DYM: variants seen among roughly 807,000 people sequenced by gnomAD.
DYM encodes dyggve-Melchior-Clausen syndrome protein.
Under a neutral mutation model 93.1 loss-of-function variants are expected in DYM, and 78 were observed. The observed-to-expected ratio is 0.84, with a 90% CI of 0.70 to 1.01. The LOEUF (loss-of-function observed/expected upper bound fraction) is 1.01, where lower values mean the gene tolerates loss of function less well. Ranked by LOEUF, DYM falls within the 50% of genes least tolerant of loss-of-function variation. DYM has a pLI of 0.00. For synonymous variants in DYM, 321 were observed against 319.7 expected, an observed-to-expected ratio of 1.00 and a Z score of -0.04; for missense variants, 789 against 845.0, an observed-to-expected ratio of 0.93 and a Z score of 0.82.
At chr18:49,377,100 G>A (rs1185109093) in intron 5 of DYM, among the ~76,000 whole-genome samples, 2 of 152,152 alleles carry the variant, frequency 1.3e-5, no homozygotes, top group Non-Finnish European at 2.9e-5. Flanking sequence ...CTTGTACCAT[G>A]TCATTTCATT....
intron 15 of DYM, chr18:49,126,497 TG>T (rs1325378067): frequency 4.6e-5 from 7 of 152,198 alleles, no homozygotes; most frequent in Admixed American, 6.5e-5. Context: ...AAAGCATTAT[TG>T]GGTTATAATC....
chr18:49,125,448 T>C (rs1223509930), intron 15 of DYM, among the ~76,000 whole-genome samples: 1 of 152,184 alleles, frequency 6.6e-6, no homozygotes, highest in Non-Finnish European at 1.5e-5. Flanking sequence ...ATTGGCTGGA[T>C]GTCAGTGGTA....
intron 17 of DYM, among the ~76,000 whole-genome samples, chr18:49,080,326 G>T (rs1275841950): frequency 4.3e-5 from 6 of 138,464 alleles, no homozygotes; most frequent in African/African-American, 1.6e-4. Flanking sequence ...GTGGCTGGCC[G>T]GGCGGGGGGC....
chr18:49,211,934 A>T (rs1174293927), intron 13 of DYM, among the ~76,000 whole-genome samples: 2 of 152,234 alleles, frequency 1.3e-5, no homozygotes, highest in Non-Finnish European at 2.9e-5. Flanking sequence ...CTTAAAATAC[A>T]AGAAACATAT....
rs1481658432 is a variant in DYM at position 49,208,182 on chromosome 18, C to T, written c.1625+1369G>A. ...TGGGTGACAGAGCAAGACTCCATCTCAAAAAAAAAAAAAAAAAAAAAATTA... is the reference window on the plus strand; with the variant it reads ...TGGGTGACAGAGCAAGACTCCATCTTAAAAAAAAAAAAAAAAAAAAAATTA... On this transcript the variant is annotated intron_variant, in intron 14 of 17. Coordinates refer to ENST00000675505, the MANE Select transcript of DYM (RefSeq NM_001353214.3). 5.1e-5 allele frequency among the ~76,000 whole-genome samples: 3 copies of T among 58,306 alleles called. No individual in the cohort carries two copies. The East Asian group carries it at 1.3e-3, about 25-fold the overall frequency. The allele number at this position is 58,306 out of a possible 152,430, so 38.3% of individuals were successfully genotyped here. A position where few individuals can be genotyped will look rare whatever the true frequency, so the allele number is the denominator to read the frequency against.
intron 14 of DYM, among the ~76,000 whole-genome samples, chr18:49,177,132 C>T (rs1257339362): frequency 1.3e-5 from 2 of 151,832 alleles, no homozygotes; most frequent in Non-Finnish European, 2.9e-5. Context: ...TAATTGGGAT[C>T]GAAATAACAT....
In DYM at chr18:49,333,791, T is replaced by A; in HGVS notation, c.557A>T (p.Gln186Leu). 6.2e-7 allele frequency: 1 copy of A among 1,613,916 alleles called. No individual in the cohort carries two copies. Among genetic ancestry groups the A allele is most frequent in the Non-Finnish European group, 8.5e-7 (1 of 1,179,824 alleles). Residue 186 changes from glutamine (Q) to leucine (L), a missense_variant, in exon 7 of 18, where the codon CAA becomes CTA. This residue lies in a region of DYM where 450 missense variants were observed against 436.2 expected (regional missense o/e 1.03). Transcript: ENST00000675505. The stretch of plus-strand genomic sequence containing the variant: ...TCGCAAAACTTCTTTGTGGAAGAGT[T>A]GGCAGGAAAGGAAAACAACCATTGT... The part of the protein sequence containing the change: ...ISTMVVFLSC[Q>L]LFHKEVLRQS...
chr18:49,171,839 C>T (rs2088781388), intron 14 of DYM, among the ~76,000 whole-genome samples: 1 of 152,154 alleles, frequency 6.6e-6, no homozygotes, highest in African/African-American at 2.4e-5. Context: ...TACTGGTTAC[C>T]TTAGTTTTAA....
intron 14 of DYM, among the ~76,000 whole-genome samples, chr18:49,184,328 G>A (rs1184329747): frequency 6.6e-6 from 1 of 151,882 alleles, no homozygotes; most frequent in African/African-American, 2.4e-5. Flanking sequence ...CTTAGCCAAG[G>A]CCACAACTCA....
At chr18:49,075,949 A>AT (rs975637961) in intron 17 of DYM, among the ~76,000 whole-genome samples, 7 of 152,030 alleles carry the variant, frequency 4.6e-5, no homozygotes, top group Admixed American at 1.3e-4. Context: ...TTGATAACAC[A>AT]TTTTTTCTTT....
intron 3 of DYM, among the ~76,000 whole-genome samples, chr18:49,387,189 G>T (rs531108165): frequency 6.6e-6 from 1 of 151,938 alleles, no homozygotes; most frequent in African/African-American, 2.4e-5. Context: ...CAAAGTGCTG[G>T]GATTACAGGC....
chr18:49,424,395 T>C (rs1447806920), intron 2 of DYM, among the ~76,000 whole-genome samples: 2 of 152,066 alleles, frequency 1.3e-5, no homozygotes, highest in African/African-American at 4.8e-5. Flanking sequence ...ATGGGACATA[T>C]CTCAAAATAG....
chr18:49,117,756 C>T (rs966519187), intron 16 of DYM, among the ~76,000 whole-genome samples: 3 of 152,180 alleles, frequency 2.0e-5, no homozygotes, highest in African/African-American at 7.2e-5. Context: ...GTTCTACACA[C>T]TACAGTGTAT....
intron 11 of DYM, among the ~76,000 whole-genome samples, chr18:49,263,556 C>A (rs1029905557): frequency 6.6e-5 from 10 of 151,628 alleles, no homozygotes; most frequent in Non-Finnish European, 1.3e-4. Flanking sequence ...TGGTGAAACC[C>A]TGTCTCTACT....
At chr18:49,404,272 T>A (rs1370156511) in intron 2 of DYM, among the ~76,000 whole-genome samples, 1 of 152,156 alleles carries the variant, frequency 6.6e-6, no homozygotes, top group Non-Finnish European at 1.5e-5. Flanking sequence ...CCTCCCAAAG[T>A]GCTAGGATTA....
intron 6 of DYM, among the ~76,000 whole-genome samples, chr18:49,348,882 C>A (rs1264223004): frequency 7.7e-6 from 1 of 130,274 alleles, no homozygotes; most frequent in Admixed American, 9.1e-5. Flanking sequence ...GCACTCCAGC[C>A]GGGTAACAGA....
chr18:49,389,788 A>G (rs1226734955), intron 3 of DYM, among the ~76,000 whole-genome samples: 1 of 152,098 alleles, frequency 6.6e-6, no homozygotes, highest in African/African-American at 2.4e-5. Flanking sequence ...TCAGCCTCCT[A>G]AAGTTACCAG....
At chr18:49,093,237 C>T (rs540412722) in intron 17 of DYM, 1 of 152,288 alleles carries the variant, frequency 6.6e-6, no homozygotes, top group African/African-American at 2.4e-5. Flanking sequence ...AGCCATGAAA[C>T]TGTGAGAACC....
chr18:49,171,905 C>T (rs1169339376), intron 14 of DYM, among the ~76,000 whole-genome samples: 5 of 152,196 alleles, frequency 3.3e-5, no homozygotes, highest in Non-Finnish European at 7.3e-5. Flanking sequence ...TTTAAGTAGA[C>T]AGTGCAATGA....
Sources: gnomAD v4.1 joint callset for allele counts (sites outside exome capture counted in the v4.1 genomes callset) on GRCh38, gnomAD v4.1.1 for gene constraint, gnomAD v4.1.1 regional missense constraint, MANE v1.5 for transcripts, NCBI Gene and HGNC (gene_info 2026-07-23, HGNC 2026-07-21) for gene names.